MROH9: variants seen among roughly 807,000 people sequenced by gnomAD.
MROH9 encodes the protein maestro heat-like repeat-containing protein family member 9.
In MROH9, 92 loss-of-function variants were observed where a neutral mutation model predicts 98.2. That is an observed-to-expected ratio of 0.94 (90% confidence interval 0.79 to 1.11). The LOEUF (loss-of-function observed/expected upper bound fraction) is 1.11. Ranked by LOEUF, MROH9 falls within the 50% of genes most tolerant of loss-of-function variation. The probability of loss-of-function intolerance (pLI) is 0.00; values close to 1 mark genes in which losing one functional copy is unlikely to be tolerated. For synonymous variants in MROH9, 397 were observed against 368.9 expected (o/e 1.08, Z -0.87); for missense variants, 1,057 against 1,014.8 (o/e 1.04, Z -0.57).
At chr1:170,999,714 A>C (rs1651722033) in intron 15 of MROH9, among the ~76,000 whole-genome samples, 1 of 152,102 alleles carries the variant, frequency 6.6e-6, no homozygotes. Context: ...TGCTGGATCA[A>C]ATAAATGGTA....
chr1:171,044,416 T>C (rs1296706379), intron 20 of MROH9, among the ~76,000 whole-genome samples: 4 of 152,192 alleles, frequency 2.6e-5, no homozygotes, highest in African/African-American at 9.6e-5. Context: ...TACTGGCCCA[T>C]AGTTTTCTTC....
intron 20 of MROH9, among the ~76,000 whole-genome samples, chr1:171,042,548 T>C (rs1653342167): frequency 6.6e-6 from 1 of 152,132 alleles, no homozygotes; most frequent in South Asian, 2.1e-4. Context: ...TTTTTAGTTT[T>C]TTGAGGAACC....
chr1:170,984,628 C>T (rs1176857018), intron 9 of MROH9, among the ~76,000 whole-genome samples: 1 of 152,186 alleles, frequency 6.6e-6, no homozygotes, highest in Non-Finnish European at 1.5e-5. Flanking sequence ...GTTGGGGCCT[C>T]TCCTAAGCTG....
intron 8 of MROH9, among the ~76,000 whole-genome samples, chr1:170,974,206 T>C (rs1234478398): frequency 6.6e-6 from 1 of 152,110 alleles, no homozygotes; most frequent in Non-Finnish European, 1.5e-5. Context: ...AATACATATT[T>C]TATTTGAGTC....
intron 21 of MROH9, among the ~76,000 whole-genome samples, chr1:171,062,562 G>T (rs1264573313): frequency 1.3e-5 from 2 of 152,204 alleles, no homozygotes; most frequent in Non-Finnish European, 2.9e-5. Flanking sequence ...ACTATTTACT[G>T]CTAGGGACAG....
At chr1:171,057,968 G>A (rs187229748) in intron 20 of MROH9, among the ~76,000 whole-genome samples, 404 of 148,870 alleles carry the variant, frequency 2.7e-3, no homozygotes, top group African/African-American at 8.6e-3. Context: ...TAAATATGGG[G>A]GGAAAAAAAC....
intron 10 of MROH9, 139 bp downstream of exon 10, chr1:170,986,849 G>A (rs1392299565): frequency 4.0e-5 from 41 of 1,033,168 alleles, no homozygotes; most frequent in Non-Finnish European, 5.7e-5. Context: ...TGAGGCTTTT[G>A]GTTTTTTAAA....
In MROH9 at chr1:171,064,326, G is replaced by A; in HGVS notation, c.2572G>A (p.Asp858Asn). The A allele has an allele frequency of 1.3e-6, 2 of 1,537,752 alleles. No homozygotes were observed. The highest frequency in any genetic ancestry group is 1.7e-6 in the Non-Finnish European group (2 of 1,143,554). ...TACAGACAGTAAAGATGTCAAGAAT[G>A]ATAAGGCCTTATAGAAGAGAATGAT... is the stretch of plus-strand genomic sequence containing the variant. ...SPTDSKDVKN[D>N]KAL The change falls in exon 22 of 22, where the codon GAT becomes AAT. Residue 858 changes from aspartate (D) to asparagine (N), a missense_variant. Coordinates refer to ENST00000367759, the MANE Select transcript of MROH9 (RefSeq NM_001163629.2).
chr1:171,011,077 AT>A (rs950887956), intron 15 of MROH9, among the ~76,000 whole-genome samples: 1 of 151,852 alleles, frequency 6.6e-6, no homozygotes, highest in African/African-American at 2.4e-5. Context: ...GTAACATTGA[AT>A]TTTTTTTACT....
chr1:170,942,410 C>A (rs1206415762), intron 1 of MROH9, among the ~76,000 whole-genome samples: 3 of 138,296 alleles, frequency 2.2e-5, no homozygotes, highest in Non-Finnish European at 4.8e-5. Context: ...CACACACACA[C>A]CCTCAGAGAA....
rs564847091 is a variant in MROH9, at chr1:170,942,354, G to A, written c.-37-3166G>A. Among the ~76,000 whole-genome samples the A allele has an allele frequency of 4.2e-4, 60 of 141,840 alleles. No homozygotes were observed. The South Asian group carries it at 5.2e-3, about 12-fold the overall frequency. The allele number at this position is 141,840 out of a possible 152,430, so 93.1% of individuals were successfully genotyped here. A position where few individuals can be genotyped will look rare whatever the true frequency, so the allele number is the denominator to read the frequency against. On this transcript the variant is annotated intron_variant, in intron 1 of 21. Transcript: ENST00000367759. ...AGGGGAGGCAATTACAGTTTCCTCCGGCAATGTAGAGTAGACACACACACA... is the reference window on the plus strand; with the variant it reads ...AGGGGAGGCAATTACAGTTTCCTCCAGCAATGTAGAGTAGACACACACACA...
At chr1:171,036,444 G>C (rs968914317) in intron 20 of MROH9, among the ~76,000 whole-genome samples, 1 of 151,942 alleles carries the variant, frequency 6.6e-6, no homozygotes, top group Non-Finnish European at 1.5e-5. Context: ...GCTTGTAGTG[G>C]GAACAGAAAT....
rs1651657645 is a variant in MROH9, at chr1:170,998,260, A to G, written c.1582A>G (p.Ile528Val). The G allele has an allele frequency of 6.2e-7, 1 of 1,613,500 alleles. No homozygotes were observed. The change falls in exon 15 of 22, where the codon ATA becomes GTA. Residue 528 changes from isoleucine (I) to valine (V), a missense_variant. Coordinates refer to ENST00000367759, the MANE Select transcript of MROH9 (RefSeq NM_001163629.2). ...GTCAGAAGACACTGTCATCGTATTAATATTCCTCACTGAAGTGAGTTTTGT... is the reference window on the plus strand; with the variant it reads ...GTCAGAAGACACTGTCATCGTATTAGTATTCCTCACTGAAGTGAGTTTTGT... ...RRSEDTVIVL[I>V]FLTELLNNFF...
Position 170,990,004 on chromosome 1 carries a change from G to T in MROH9, c.1028+1G>T. 6.2e-7 allele frequency: 1 copy of T among 1,609,386 alleles called. No individual in the cohort carries two copies. The highest frequency in any genetic ancestry group is 8.5e-7 in the Non-Finnish European group (1 of 1,176,812). On this transcript the variant is annotated splice_donor_variant, in intron 11 of 21. Coordinates refer to ENST00000367759, the MANE Select transcript of MROH9 (RefSeq NM_001163629.2). LOFTEE classifies it high-confidence loss of function. ...TGGACTACCCAGTTCCAGCAGACGA[G>T]TAAGGCCCCCCAACCCTCTGTCCCT...
At chr1:170,960,626 C>T (rs748854534) in intron 5 of MROH9, among the ~76,000 whole-genome samples, 7 of 152,110 alleles carry the variant, frequency 4.6e-5, no homozygotes, top group South Asian at 2.1e-4. Context: ...TATTTGGTTT[C>T]GTTTTGTTTT....
Position 170,983,522 on chromosome 1 carries a change from T to C in MROH9, c.717T>C (p.Ser239=), listed in dbSNP as rs1651012573. The C allele has an allele frequency of 6.2e-7, 1 of 1,604,754 alleles. No homozygotes were observed. Among genetic ancestry groups the C allele is most frequent in the Non-Finnish European group, 8.5e-7 (1 of 1,171,926 alleles). Residue 239 remains serine (S), a synonymous_variant, in exon 9 of 22, where the codon AGT becomes AGC. Transcript: ENST00000367759. ...FLPKEFQQDE[S]KIAQRVGQTL... is the part of the protein sequence containing the mutation. ...CCAAGGAGTTTCAACAAGACGAAAG[T>C]AAAATAGCTCAGGTAACTTAGCCCC...
At chr1:171,025,498 C>G (rs1652678140) in intron 20 of MROH9, 78 bp downstream of exon 20, 2 of 974,612 alleles carry the variant, frequency 2.1e-6, no homozygotes, top group East Asian at 5.3e-5. Flanking sequence ...GTCTTTCTTA[C>G]ATTTTTTTTA....
Position 170,935,587 on chromosome 1 carries a change from T to C in MROH9, c.-38T>C, listed in dbSNP as rs1175782004. 6.6e-6 allele frequency: 1 copy of C among 152,224 alleles called. No individual in the cohort carries two copies. The highest frequency in any genetic ancestry group is 1.5e-5 in the Non-Finnish European group (1 of 68,040). 9.4% of individuals were successfully genotyped at this position (152,224 alleles called of 1,614,324 possible). On this transcript the variant is annotated splice_region_variant and 5_prime_UTR_variant, in exon 1 of 22. Transcript: ENST00000367759. ...CGTGATTACAGAGAAGTTACAAATA[T>C]GTAAGTGAATTCCTATTAATATTTC...
intron 17 of MROH9, among the ~76,000 whole-genome samples, chr1:171,019,718 C>A (rs186199997): frequency 2.2e-3 from 340 of 151,374 alleles, no homozygotes; most frequent in African/African-American, 8.0e-3. Flanking sequence ...GCTAAAGAAG[C>A]AGGAGCAAAC....
Sources: gnomAD v4.1 joint callset for allele counts (sites outside exome capture counted in the v4.1 genomes callset) on GRCh38, gnomAD v4.1.1 for gene constraint, MANE v1.5 for transcripts, NCBI Gene and HGNC (gene_info 2026-07-23, HGNC 2026-07-21) for gene names.